Variants in MRPS11 observed in about 807,000 individuals in gnomAD.
MRPS11 encodes the protein small ribosomal subunit protein uS11m.
MRPS11 carries 27 observed loss-of-function variants against 24.3 expected under a neutral mutation model. The ratio of observed to expected loss-of-function variants is 1.11; its 90% CI spans 0.82 to 1.53. MRPS11 has a LOEUF of 1.53. Among genes scored for constraint, MRPS11 ranks in the 40% most tolerant of loss-of-function variants. The pLI is 0.00. For synonymous variants in MRPS11, 104 were observed against 98.7 expected (o/e 1.05, Z -0.32); for missense variants, 277 against 256.5 (o/e 1.08, Z -0.55).
chr15:88,469,699 G>A lies in MRPS11; in HGVS notation c.182+1675G>A, dbSNP rs1473446099. Among the ~76,000 whole-genome samples the A allele has an allele frequency of 6.6e-6, 1 of 152,222 alleles. No homozygotes were observed. Among genetic ancestry groups the A allele is most frequent in the Non-Finnish European group, 1.5e-5 (1 of 68,044 alleles). On this transcript the variant is annotated intron_variant, in intron 2 of 5. Transcript: ENST00000325844. The surrounding 1 kb of genome is among the most constrained non-coding windows in gnomAD (Gnocchi z 4.4). Reference sequence around the variant, plus strand: ...ATTAAACCATTGGAGAGCAAGAATGGAAGCTGGGAAAAGTCCTCTAAGCAG... The same window carrying A: ...ATTAAACCATTGGAGAGCAAGAATGAAAGCTGGGAAAAGTCCTCTAAGCAG...
Position 88,477,163 on chromosome 15 carries a change from A to G in MRPS11, c.477+109A>G, listed in dbSNP as rs1316567141. Reference sequence around the variant, plus strand: ...AGAAAACACCTTTTAGTGGATTTCCATGTTTGCTTGAAGTTCCCGTCTGTT... The same window carrying G: ...AGAAAACACCTTTTAGTGGATTTCCGTGTTTGCTTGAAGTTCCCGTCTGTT... On this transcript the variant is annotated intron_variant, in intron 5 of 5. Transcript: ENST00000325844. The surrounding 1 kb of genome is among the most constrained non-coding windows in gnomAD (Gnocchi z 5.7). 1.3e-5 allele frequency: 13 copies of G among 1,023,344 alleles called. No individual in the cohort carries two copies. Among genetic ancestry groups the G allele is most frequent in the East Asian group, 2.6e-5 (1 of 38,464 alleles). 63.4% of individuals were successfully genotyped at this position (1,023,344 alleles called of 1,614,324 possible).
Position 88,477,761 on chromosome 15 carries a change from C to T in MRPS11, c.478-111C>T. The T allele has an allele frequency of 1.2e-6, 1 of 852,326 alleles. No homozygotes were observed. Among genetic ancestry groups the T allele is most frequent in the Non-Finnish European group, 1.9e-6 (1 of 516,282 alleles). The allele number at this position is 852,326 out of a possible 1,614,324, so 52.8% of individuals were successfully genotyped here. Reference sequence around the variant, plus strand: ...GTATCAAAGCCAGTGAGCATCTCACCCCTCCGTTCCCTTCTCTACGCCACC... The same window carrying T: ...GTATCAAAGCCAGTGAGCATCTCACTCCTCCGTTCCCTTCTCTACGCCACC... On this transcript the variant is annotated intron_variant, in intron 5 of 5. Coordinates refer to ENST00000325844, the MANE Select transcript of MRPS11 (RefSeq NM_022839.5). This position sits in a 1 kb window ranked among gnomAD's most constrained non-coding sequence, Gnocchi z 5.7.
chr15:88,473,618 G>A (rs2055761055), intron 3 of MRPS11, among the ~76,000 whole-genome samples: 1 of 152,204 alleles, frequency 6.6e-6, no homozygotes, highest in Non-Finnish European at 1.5e-5. Flanking sequence ...CTGTCACAGA[G>A]ACAAGCAATT....
rs1261810912 is a variant in MRPS11 at position 88,469,501 on chromosome 15, G to GA, written c.182+1479dup. On this transcript the variant is annotated intron_variant, in intron 2 of 5. Transcript: ENST00000325844. The surrounding 1 kb of genome is among the most constrained non-coding windows in gnomAD (Gnocchi z 4.4). ...GTAGGAGTATAACGGTTGGAAAGGG[G>GA]AAGTGGGGGTCAAGCAGGCCTGCAT... 6.6e-6 allele frequency among the ~76,000 whole-genome samples: 1 copy of GA among 152,210 alleles called. No homozygotes were observed. The highest frequency in any genetic ancestry group is 1.5e-5 in the Non-Finnish European group (1 of 68,038).
chr15:88,475,832 C>T lies in MRPS11; in HGVS notation c.411+593C>T, dbSNP rs1432773300. Among the ~76,000 whole-genome samples, 1 of 152,120 alleles carries T rather than the reference C, an allele frequency of 6.6e-6. No homozygotes were observed. Among genetic ancestry groups the T allele is most frequent in the Non-Finnish European group, 1.5e-5 (1 of 68,026 alleles). ...ATTAGCTGGGCGTGGTGGTGCGCGCCTGTAGTCCCAGGTACTCGGGAGGCT... is the reference window on the plus strand; with the variant it reads ...ATTAGCTGGGCGTGGTGGTGCGCGCTTGTAGTCCCAGGTACTCGGGAGGCT... On this transcript the variant is annotated intron_variant, in intron 4 of 5. Coordinates refer to ENST00000325844, the MANE Select transcript of MRPS11 (RefSeq NM_022839.5). This position sits in a 1 kb window ranked among gnomAD's most constrained non-coding sequence, Gnocchi z 4.1.
intron 2 of MRPS11, 160 bp from the exon 3 acceptor site, chr15:88,472,467 A>C (rs1002840578): frequency 1.2e-5 from 7 of 599,214 alleles, no homozygotes; most frequent in African/African-American, 1.9e-5. Context: ...GCAGTCACAC[A>C]TGCGGTGGTG....
chr15:88,474,779 G>A (rs1293632111), intron 3 of MRPS11, among the ~76,000 whole-genome samples: 1 of 152,156 alleles, frequency 6.6e-6, no homozygotes. Flanking sequence ...GAGTCCATCA[G>A]ATTTCTTATG....
chr15:88,468,365 G>C, intron 2 of MRPS11: 1 of 1,126,234 alleles, frequency 8.9e-7, no homozygotes, highest in Non-Finnish European at 1.1e-6. Context: ...ACAAAATGGG[G>C]AGGTAGAGGG....
chr15:88,467,754 C>A lies in MRPS11; in HGVS notation c.37C>A (p.Arg13=). ...GAGAAACGCGGGGTCGCGGTTCCTGCGGTCCTGGACTTGGCCCCAGACAGC... is the reference window on the plus strand; with the variant it reads ...GAGAAACGCGGGGTCGCGGTTCCTGAGGTCCTGGACTTGGCCCCAGACAGC... ...AVRNAGSRFL[R]SWTWPQTAGR... The change falls in exon 1 of 6, where the codon CGG becomes AGG. Residue 13 remains arginine (R), a synonymous_variant. Transcript: ENST00000325844. 1 of 1,614,064 alleles carries A rather than the reference C, an allele frequency of 6.2e-7. No homozygotes were observed. Among genetic ancestry groups the A allele is most frequent in the Non-Finnish European group, 8.5e-7 (1 of 1,180,024 alleles).
rs539118082 is a variant in MRPS11, at chr15:88,469,878, C to T, written c.182+1854C>T. Among the ~76,000 whole-genome samples the T allele has an allele frequency of 4.6e-5, 7 of 152,248 alleles. No homozygotes were observed. The highest frequency in any genetic ancestry group is 1.4e-4 in the African/African-American group (6 of 41,542). ...TGTGAGAAAAAGGAGCGAAGGAAGA[C>T]CCCAAATTTTGTTGGCCTAAACAAC... On this transcript the variant is annotated intron_variant, in intron 2 of 5. Coordinates refer to ENST00000325844, the MANE Select transcript of MRPS11 (RefSeq NM_022839.5). This position sits in a 1 kb window ranked among gnomAD's most constrained non-coding sequence, Gnocchi z 4.4.
rs1332277390 is a variant in MRPS11 at position 88,472,771 on chromosome 15, T to C, written c.281+46T>C. On this transcript the variant is annotated intron_variant, in intron 3 of 5. Transcript: ENST00000325844. ...TGGGCAGGTCTAGCGTGAGATTCTTTCCACTTCACAGGGAAAGTCAGGCTT... is the reference window on the plus strand; with the variant it reads ...TGGGCAGGTCTAGCGTGAGATTCTTCCCACTTCACAGGGAAAGTCAGGCTT... 4 of 1,495,642 alleles carry C rather than the reference T, an allele frequency of 2.7e-6. No homozygotes were observed. The Admixed American group carries it at 6.9e-5, about 26-fold the overall frequency. The allele number at this position is 1,495,642 out of a possible 1,614,324, so 92.6% of individuals were successfully genotyped here.
In MRPS11 at chr15:88,478,144, C is replaced by T; in HGVS notation, c.*165C>T. On this transcript the variant is annotated 3_prime_UTR_variant, in exon 6 of 6. Coordinates refer to ENST00000325844, the MANE Select transcript of MRPS11 (RefSeq NM_022839.5). This position sits in a 1 kb window ranked among gnomAD's most constrained non-coding sequence, Gnocchi z 4.7. ...CAGTGGCCTTTGCTTGCACCTCCAG[C>T]TGGAGATGGGTGTGCCCCAGAAGTA... The T allele has an allele frequency of 1.6e-6, 1 of 616,486 alleles. No homozygotes were observed. Among genetic ancestry groups the T allele is most frequent in the East Asian group, 2.8e-5 (1 of 36,308 alleles). 38.2% of individuals were successfully genotyped at this position (616,486 alleles called of 1,614,324 possible).
rs2055654081 is a variant in MRPS11, at chr15:88,469,978, T to A, written c.182+1954T>A. 6.6e-6 allele frequency among the ~76,000 whole-genome samples: 1 copy of A among 152,034 alleles called. No individual in the cohort carries two copies. Among genetic ancestry groups the A allele is most frequent in the Non-Finnish European group, 1.5e-5 (1 of 67,998 alleles). On this transcript the variant is annotated intron_variant, in intron 2 of 5. Coordinates refer to ENST00000325844, the MANE Select transcript of MRPS11 (RefSeq NM_022839.5). This position sits in a 1 kb window ranked among gnomAD's most constrained non-coding sequence, Gnocchi z 4.4. ...TGGATGGGAGTTGTTAAGGTTGAGA[T>A]TCTTAATAAACATTCAAGTGGAGAC...
Position 88,477,171 on chromosome 15 carries a change from T to G in MRPS11, c.477+117T>G, listed in dbSNP as rs1351466848. 3.2e-6 allele frequency: 3 copies of G among 936,610 alleles called. No homozygotes were observed. In the East Asian group the frequency reaches 7.9e-5, roughly 25 times the overall value. The allele number at this position is 936,610 out of a possible 1,614,324, so 58.0% of individuals were successfully genotyped here. A position where few individuals can be genotyped will look rare whatever the true frequency, so the allele number is the denominator to read the frequency against. ...CCTTTTAGTGGATTTCCATGTTTGC[T>G]TGAAGTTCCCGTCTGTTGTTTCTAT... On this transcript the variant is annotated intron_variant, in intron 5 of 5. Transcript: ENST00000325844. The surrounding 1 kb of genome is among the most constrained non-coding windows in gnomAD (Gnocchi z 5.7).
At chr15:88,474,739 A>G (rs1029871449) in intron 3 of MRPS11, among the ~76,000 whole-genome samples, 2 of 152,192 alleles carry the variant, frequency 1.3e-5, no homozygotes, top group Non-Finnish European at 2.9e-5. Flanking sequence ...TGAATTGGAT[A>G]TGAGTTGATA....
In MRPS11 at chr15:88,475,596, A is replaced by G. The variant is rs2055805535; in HGVS notation, c.411+357A>G. ...GCTGAGGCTGGATGGCTTGAGCCCA[A>G]GAGTTTGAGGCTGCAGTGAACTATG... On this transcript the variant is annotated intron_variant, in intron 4 of 5. Transcript: ENST00000325844. This position sits in a 1 kb window ranked among gnomAD's most constrained non-coding sequence, Gnocchi z 4.1. Among the ~76,000 whole-genome samples, 2 of 151,988 alleles carry G rather than the reference A, an allele frequency of 1.3e-5. No homozygotes were observed. Among genetic ancestry groups the G allele is most frequent in the Non-Finnish European group, 1.5e-5 (1 of 67,978 alleles).
chr15:88,477,539 C>T lies in MRPS11; in HGVS notation c.478-333C>T, dbSNP rs2055847516. On this transcript the variant is annotated intron_variant, in intron 5 of 5. Transcript: ENST00000325844. This position sits in a 1 kb window ranked among gnomAD's most constrained non-coding sequence, Gnocchi z 5.7. ...AGCAGGTACGGGGGGACATTGCAGG[C>T]AGAGAAAACTGCCTGAGTAAGCTAC... is the stretch of plus-strand genomic sequence containing the variant. Among the ~76,000 whole-genome samples the T allele has an allele frequency of 6.6e-6, 1 of 152,144 alleles. No homozygotes were observed. The highest frequency in any genetic ancestry group is 1.5e-5 in the Non-Finnish European group (1 of 68,032).
intron 2 of MRPS11, among the ~76,000 whole-genome samples, chr15:88,471,409 T>C (rs1322721814): frequency 6.6e-6 from 1 of 152,224 alleles, no homozygotes; most frequent in Non-Finnish European, 1.5e-5. Flanking sequence ...AAATGGAGTC[T>C]ATTGTATTTC....
In MRPS11 at chr15:88,475,696, G is replaced by A. The variant is rs1034341324; in HGVS notation, c.411+457G>A. Reference sequence around the variant, plus strand: ...AAAATAAATTAAAAATAGGCCAGGCGCGATGGCTCACAGTTGTAATCCCAG... The same window carrying A: ...AAAATAAATTAAAAATAGGCCAGGCACGATGGCTCACAGTTGTAATCCCAG... On this transcript the variant is annotated intron_variant, in intron 4 of 5. Coordinates refer to ENST00000325844, the MANE Select transcript of MRPS11 (RefSeq NM_022839.5). This position sits in a 1 kb window ranked among gnomAD's most constrained non-coding sequence, Gnocchi z 4.1. Among the ~76,000 whole-genome samples, 3 of 152,230 alleles carry A rather than the reference G, an allele frequency of 2.0e-5. No individual in the cohort carries two copies. Among genetic ancestry groups the A allele is most frequent in the East Asian group, 1.9e-4 (1 of 5,168 alleles).
Sources: gnomAD v4.1 joint callset for allele counts (sites outside exome capture counted in the v4.1 genomes callset) on GRCh38, gnomAD v4.1.1 for gene constraint, Gnocchi (gnomAD v3.1) non-coding constraint, MANE v1.5 for transcripts, NCBI Gene and HGNC (gene_info 2026-07-23, HGNC 2026-07-21) for gene names.